Variants in DENND4C observed in about 807,000 individuals in gnomAD.
The protein encoded by DENND4C is DENN domain containing 4C.
Under a neutral mutation model 203.0 loss-of-function variants are expected in DENND4C, and 108 were observed. The observed-to-expected ratio is 0.53, with a 90% CI of 0.46 to 0.62. The LOEUF (loss-of-function observed/expected upper bound fraction) is 0.62, where lower values mean the gene tolerates loss of function less well. Among genes scored for constraint, DENND4C ranks in the 20% least tolerant of loss-of-function variants. The pLI, the probability that DENND4C is intolerant of heterozygous loss-of-function variation, is 0.00. For synonymous variants in DENND4C, 871 were observed against 792.4 expected, an observed-to-expected ratio of 1.10 and a Z score of -1.67; for missense variants, 2,481 against 2,301.2, an observed-to-expected ratio of 1.08 and a Z score of -1.60.
At chr9:19,314,453 T>C (rs1841381087) in intron 10 of DENND4C, among the ~76,000 whole-genome samples, 1 of 152,030 alleles carries the variant, frequency 6.6e-6, no homozygotes, top group Non-Finnish European at 1.5e-5. Flanking sequence ...AGACTACACA[T>C]GGGGTACAGT....
chr9:19,319,379 T>TATATATATACAC (rs1366607176), intron 12 of DENND4C, among the ~76,000 whole-genome samples: 7 of 105,832 alleles, frequency 6.6e-5, no homozygotes, highest in Non-Finnish European at 9.3e-5. Flanking sequence ...TATATACACA[T>TATATATATACAC]ACATATATAT....
intron 1 of DENND4C, among the ~76,000 whole-genome samples, chr9:19,267,663 A>G (rs1012093849): frequency 6.6e-6 from 1 of 152,028 alleles, no homozygotes; most frequent in African/African-American, 2.4e-5. Context: ...CAGCTTCCCA[A>G]GTAGCTAGGA....
chr9:19,265,286 G>C (rs1830259272), intron 1 of DENND4C, among the ~76,000 whole-genome samples: 1 of 151,922 alleles, frequency 6.6e-6, no homozygotes, highest in Non-Finnish European at 1.5e-5. Context: ...CAAAATGCTG[G>C]GATTACAGGT....
chr9:19,235,720 C>T (rs917153232), intron 1 of DENND4C, among the ~76,000 whole-genome samples: 12 of 147,648 alleles, frequency 8.1e-5, no homozygotes, highest in Non-Finnish European at 1.6e-4. Context: ...ATGCCATTCT[C>T]CTGCCTCAGC....
rs1483935348 is a variant in DENND4C at position 19,360,350 on chromosome 9, A to T, written c.5267A>T (p.Gln1756Leu). The change falls in exon 29 of 33, where the codon CAG becomes CTG. Residue 1756 changes from glutamine (Q) to leucine (L), a missense_variant. Gln to Leu is a moderately radical substitution (Grantham distance 113). This residue lies in a region of DENND4C where 2,289 missense variants were observed against 2,113.3 expected (regional missense o/e 1.08). Transcript: ENST00000434457. The stretch of plus-strand genomic sequence containing the variant: ...TCTTTGCTAGAAAATGAAGGTGATC[A>T]GGTGATTCATACATCTTCTTTCATC... ...LESLLENEGD[Q>L]VIHTSSFINQ... 6.2e-7 allele frequency: 1 copy of T among 1,614,022 alleles called. No homozygotes were observed. Among genetic ancestry groups the T allele is most frequent in the Non-Finnish European group, 8.5e-7 (1 of 1,180,012 alleles).
chr9:19,352,989 A>T (rs1824498034), intron 26 of DENND4C, among the ~76,000 whole-genome samples: 1 of 151,838 alleles, frequency 6.6e-6, no homozygotes, highest in Admixed American at 6.6e-5. Context: ...TTTTAAAATT[A>T]GCTGGGCATG....
intron 30 of DENND4C, among the ~76,000 whole-genome samples, chr9:19,367,733 C>T (rs1465929550): frequency 6.6e-6 from 1 of 152,074 alleles, no homozygotes; most frequent in East Asian, 1.9e-4. Flanking sequence ...GAGCGAGACT[C>T]CATCTCAAAA....
intron 30 of DENND4C, among the ~76,000 whole-genome samples, chr9:19,364,089 A>T (rs986723970): frequency 2.0e-5 from 3 of 152,162 alleles, no homozygotes; most frequent in African/African-American, 4.8e-5. Context: ...AGTCCAAGGC[A>T]GGAGAATCCC....
At chr9:19,317,527 T>C (rs958143150) in intron 12 of DENND4C, among the ~76,000 whole-genome samples, 3 of 152,224 alleles carry the variant, frequency 2.0e-5, no homozygotes, top group Non-Finnish European at 4.4e-5. Flanking sequence ...TCAATATTTA[T>C]GTGAAATTAT....
chr9:19,371,271 A>G (rs1379783552), intron 31 of DENND4C: 1 of 153,202 alleles, frequency 6.5e-6, no homozygotes, highest in Non-Finnish European at 1.5e-5. Flanking sequence ...ATTGGGTTAA[A>G]TAGTAAAGAG....
rs761960623 is a variant in DENND4C, at chr9:19,356,960, T to C, written c.4782-12T>C. 6.2e-7 allele frequency: 1 copy of C among 1,611,532 alleles called. No individual in the cohort carries two copies. The highest frequency in any genetic ancestry group is 1.7e-5 in the Admixed American group (1 of 59,656). Reference sequence around the variant, plus strand: ...TTTTAAAGGCTCTTTTTCCCCCCTTTTCCTTATGTAGCTTTTTCCTGAAAC... The same window carrying C: ...TTTTAAAGGCTCTTTTTCCCCCCTTCTCCTTATGTAGCTTTTTCCTGAAAC... On this transcript the variant is annotated splice_polypyrimidine_tract_variant and intron_variant, in intron 26 of 32. Transcript: ENST00000434457.
intron 1 of DENND4C, among the ~76,000 whole-genome samples, chr9:19,246,885 C>T (rs1825411777): frequency 1.3e-5 from 2 of 152,150 alleles, no homozygotes; most frequent in African/African-American, 4.8e-5. Context: ...CAGCTCATTT[C>T]TCACACACAC....
At chr9:19,329,608 T>C (rs1464165019) in intron 16 of DENND4C, among the ~76,000 whole-genome samples, 1 of 152,204 alleles carries the variant, frequency 6.6e-6, no homozygotes, top group Non-Finnish European at 1.5e-5. Flanking sequence ...TGTTCAACCC[T>C]TTGAGGCACT....
chr9:19,286,172 A>G (rs1835176941), intron 2 of DENND4C, among the ~76,000 whole-genome samples: 1 of 152,146 alleles, frequency 6.6e-6, no homozygotes, highest in Non-Finnish European at 1.5e-5. Context: ...CATCTTATCA[A>G]TTTTCATTAA....
At chr9:19,315,934 TTTTATTG>T (rs1841769070) in intron 10 of DENND4C, among the ~76,000 whole-genome samples, 1 of 151,930 alleles carries the variant, frequency 6.6e-6, no homozygotes, top group South Asian at 2.1e-4. Context: ...TGGCTTTGGT[TTTTATTG>T]TTTCATGATC....
chr9:19,272,860 C>G (rs973063508), intron 1 of DENND4C, among the ~76,000 whole-genome samples: 10 of 151,708 alleles, frequency 6.6e-5, no homozygotes, highest in Admixed American at 6.6e-4. Context: ...CTCTGCCTCC[C>G]GGGTTCAAGT....
chr9:19,245,825 CA>C (rs5896837), intron 1 of DENND4C, among the ~76,000 whole-genome samples: 9,459 of 150,420 alleles, frequency 0.063, 554 homozygotes, highest in African/African-American at 0.15. Flanking sequence ...CATTGCACTC[CA>C]GCCTGGACGA....
chr9:19,334,292 C>T (rs1318180368), intron 17 of DENND4C, among the ~76,000 whole-genome samples: 3 of 152,084 alleles, frequency 2.0e-5, no homozygotes, highest in Non-Finnish European at 4.4e-5. Flanking sequence ...CTCAGGTGAT[C>T]TGCCTGCCTG....
intron 2 of DENND4C, among the ~76,000 whole-genome samples, chr9:19,276,942 G>A (rs1380703178): frequency 3.3e-5 from 5 of 151,522 alleles, no homozygotes; most frequent in Non-Finnish European, 7.4e-5. Flanking sequence ...CTGGGAGGAG[G>A]GTGTTTACAG....
Sources: allele counts gnomAD v4.1 joint callset (sites outside exome capture counted in the v4.1 genomes callset), GRCh38; gene constraint gnomAD v4.1.1; regional missense constraint gnomAD v4.1.1; transcripts MANE v1.5; gene names NCBI Gene and HGNC (gene_info 2026-07-23, HGNC 2026-07-21).